RBFOX1: variants seen among roughly 807,000 people sequenced by gnomAD.
RBFOX1 encodes RNA binding fox-1 homolog 1.
Under a neutral mutation model 57.7 loss-of-function variants are expected in RBFOX1, and 8 were observed. The observed-to-expected ratio is 0.14, with a 90% CI of 0.08 to 0.25. The LOEUF is 0.25. Ranked by LOEUF, RBFOX1 falls within the 10% of genes least tolerant of loss-of-function variation. The pLI is 1.00. For missense variants in RBFOX1, 611 were observed against 548.5 expected, an observed-to-expected ratio of 1.11 and a Z score of -1.14; for synonymous variants, 326 against 222.4, an observed-to-expected ratio of 1.47 and a Z score of -4.15.
chr16:6,446,184 A>G lies in RBFOX1; in HGVS notation c.-64+129127A>G, dbSNP rs570246986. Among the ~76,000 whole-genome samples, 7 of 152,222 alleles carry G rather than the reference A, an allele frequency of 4.6e-5. No homozygotes were observed. The East Asian group carries it at 9.7e-4, about 21-fold the overall frequency. ...AGCCTAGTTAATTTTCAAATTATTC[A>G]TTAGAGCCAGGGTCTTGTCATGTTG... is the stretch of plus-strand genomic sequence containing the variant. On this transcript the variant is annotated intron_variant, in intron 2 of 15. Coordinates refer to ENST00000550418, the MANE Select transcript of RBFOX1 (RefSeq NM_018723.4).
At chr16:5,748,904 C>A (rs372378722) in intron 3 of RBFOX1, among the ~76,000 whole-genome samples, 1 of 152,096 alleles carries the variant, frequency 6.6e-6, no homozygotes, top group Non-Finnish European at 1.5e-5. Context: ...TGAATTTGTT[C>A]CTGTCATTAT....
intron 2 of RBFOX1, among the ~76,000 whole-genome samples, chr16:5,589,204 C>T (rs2046929085): frequency 6.6e-6 from 1 of 152,106 alleles, no homozygotes; most frequent in Non-Finnish European, 1.5e-5. Flanking sequence ...GGCCACATCC[C>T]TGGTGGGTTT....
chr16:5,507,729 C>T (rs920853046), intron 2 of RBFOX1, among the ~76,000 whole-genome samples: 1 of 152,248 alleles, frequency 6.6e-6, no homozygotes, highest in South Asian at 2.1e-4. Context: ...TGGAAACAGA[C>T]ACACACAGAG....
intron 2 of RBFOX1, among the ~76,000 whole-genome samples, chr16:5,476,392 C>T (rs973461523): frequency 8.5e-5 from 13 of 152,276 alleles, no homozygotes; most frequent in African/African-American, 2.9e-4. Flanking sequence ...TTCCTAATGC[C>T]TTCATGTGAT....
At chr16:6,494,359 C>G (rs996069287) in intron 2 of RBFOX1, among the ~76,000 whole-genome samples, 8 of 152,136 alleles carry the variant, frequency 5.3e-5, no homozygotes, top group Non-Finnish European at 8.8e-5. Context: ...ATAACCACAG[C>G]TATCTCTCGC....
intron 2 of RBFOX1, among the ~76,000 whole-genome samples, chr16:6,430,659 G>A (rs1368944384): frequency 2.0e-5 from 3 of 152,030 alleles, no homozygotes; most frequent in Non-Finnish European, 4.4e-5. Context: ...ATGGGGGAGC[G>A]GGATGGTCAC....
At chr16:6,824,367 C>T (rs923175134) in intron 3 of RBFOX1, among the ~76,000 whole-genome samples, 5 of 152,168 alleles carry the variant, frequency 3.3e-5, no homozygotes, top group African/African-American at 1.2e-4. Flanking sequence ...GATCATGCTA[C>T]AGCATGCTCC....
intron 1 of RBFOX1, among the ~76,000 whole-genome samples, chr16:6,242,230 C>G (rs781289556): frequency 6.6e-6 from 1 of 152,058 alleles, no homozygotes; most frequent in Non-Finnish European, 1.5e-5. Context: ...TACATTCTCT[C>G]TATATATAAG....
At chr16:7,104,273 C>A (rs1043931026) in intron 4 of RBFOX1, among the ~76,000 whole-genome samples, 4 of 152,218 alleles carry the variant, frequency 2.6e-5, no homozygotes, top group African/African-American at 9.6e-5. Flanking sequence ...TTCACACTCA[C>A]ACCCATTCAC....
At chr16:6,038,528 G>GTA (rs932355078) in intron 1 of RBFOX1, 1 of 87,202 alleles carries the variant, frequency 1.1e-5, no homozygotes, top group Non-Finnish European at 2.3e-5. Flanking sequence ...ATATATCCGT[G>GTA]GAGATATATA....
intron 1 of RBFOX1, among the ~76,000 whole-genome samples, chr16:6,070,513 CA>C (rs1335523875): frequency 1.3e-5 from 2 of 152,158 alleles, no homozygotes; most frequent in Non-Finnish European, 1.5e-5. Flanking sequence ...TGAAGTCTGA[CA>C]AGAAGTCACT....
At chr16:7,406,510 C>A (rs982221336) in intron 4 of RBFOX1, among the ~76,000 whole-genome samples, 1 of 152,180 alleles carries the variant, frequency 6.6e-6, no homozygotes, top group Non-Finnish European at 1.5e-5. Context: ...ACTTTCGAAT[C>A]TTGCTTTTGA....
intron 1 of RBFOX1, among the ~76,000 whole-genome samples, chr16:6,278,522 T>A (rs915754977): frequency 6.6e-6 from 1 of 151,542 alleles, no homozygotes; most frequent in Non-Finnish European, 1.5e-5. Flanking sequence ...TGAATCTAAG[T>A]GGGCACCCAA....
intron 3 of RBFOX1, among the ~76,000 whole-genome samples, chr16:6,922,605 CT>C (rs1315718737): frequency 2.0e-5 from 3 of 152,138 alleles, no homozygotes; most frequent in African/African-American, 7.2e-5. Context: ...ACATGTGATT[CT>C]TTTACTTGCT....
intron 1 of RBFOX1, among the ~76,000 whole-genome samples, chr16:6,207,987 C>A (rs1467871612): frequency 6.6e-6 from 1 of 151,232 alleles, no homozygotes; most frequent in Non-Finnish European, 1.5e-5. Flanking sequence ...GATTAATCTC[C>A]CTTAAAATTT....
intron 3 of RBFOX1, among the ~76,000 whole-genome samples, chr16:7,035,991 C>G (rs944621996): frequency 6.6e-6 from 1 of 152,134 alleles, no homozygotes; most frequent in African/African-American, 2.4e-5. Flanking sequence ...TCAAGTTTCT[C>G]AAGCTACAGA....
chr16:6,327,815 T>C (rs1206380115), intron 2 of RBFOX1, among the ~76,000 whole-genome samples: 1 of 152,220 alleles, frequency 6.6e-6, no homozygotes, highest in East Asian at 1.9e-4. Flanking sequence ...TGCCATGTTA[T>C]TTCTTGACAA....
intron 4 of RBFOX1, among the ~76,000 whole-genome samples, chr16:7,451,064 C>G (rs555082065): frequency 2.4e-4 from 36 of 152,144 alleles, no homozygotes; most frequent in Non-Finnish European, 4.7e-4. Context: ...CCCTGAGTGA[C>G]AAGGAGGAGA....
intron 3 of RBFOX1, among the ~76,000 whole-genome samples, chr16:6,850,708 T>A (rs999805681): frequency 2.0e-5 from 3 of 152,212 alleles, no homozygotes; most frequent in African/African-American, 7.2e-5. Flanking sequence ...AAAATCAATT[T>A]GTTGGCTAAA....
Sources: allele counts gnomAD v4.1 joint callset (sites outside exome capture counted in the v4.1 genomes callset), GRCh38; gene constraint gnomAD v4.1.1; transcripts MANE v1.5; gene names NCBI Gene and HGNC (gene_info 2026-07-23, HGNC 2026-07-21).